Variants in MUSK observed in about 807,000 individuals in gnomAD.
The protein encoded by MUSK is muscle associated receptor tyrosine kinase, also known as muscle, skeletal receptor tyrosine-protein kinase.
A neutral mutation model predicts 88.7 loss-of-function variants in MUSK; 55 were observed. That is an observed-to-expected ratio of 0.62 (90% CI 0.50 to 0.78). MUSK has a LOEUF of 0.78. Ranked by LOEUF, MUSK falls within the 30% of genes least tolerant of loss-of-function variation. The pLI, the probability that MUSK is intolerant of heterozygous loss-of-function variation, is 0.00. For synonymous variants in MUSK, 387 were observed against 391.9 expected (o/e 0.99, Z 0.15); for missense variants, 1,015 against 1,074.3 (o/e 0.94, Z 0.77).
At chr9:110,675,346 C>A (rs928632424) in intron 1 of MUSK, among the ~76,000 whole-genome samples, 1 of 150,386 alleles carries the variant, frequency 6.6e-6, no homozygotes. Context: ...CTCAGCCTCC[C>A]GAGTTGCTGG....
At chr9:110,740,098 T>C (rs912723150) in intron 6 of MUSK, among the ~76,000 whole-genome samples, 1 of 152,128 alleles carries the variant, frequency 6.6e-6, no homozygotes, top group African/African-American at 2.4e-5. Context: ...CAAAACCTTA[T>C]GGTATAATTC....
At chr9:110,740,167 C>A (rs531254090) in intron 6 of MUSK, among the ~76,000 whole-genome samples, 2 of 152,246 alleles carry the variant, frequency 1.3e-5, no homozygotes, top group East Asian at 3.9e-4. Context: ...TGGACTTGAA[C>A]TATTTCATGT....
intron 3 of MUSK, among the ~76,000 whole-genome samples, chr9:110,691,043 T>C (rs2076348900): frequency 6.6e-6 from 1 of 151,464 alleles, no homozygotes; most frequent in Admixed American, 6.6e-5. Flanking sequence ...TTTTGTATTT[T>C]TGGTAGAGTC....
intron 5 of MUSK, among the ~76,000 whole-genome samples, chr9:110,732,224 T>C (rs73540117): frequency 0.029 from 4,385 of 152,060 alleles, 214 homozygotes; most frequent in African/African-American, 0.1. Context: ...GTGGGATCCA[T>C]AGATGGTCAT....
At chr9:110,675,915 C>T (rs2076021472) in intron 1 of MUSK, among the ~76,000 whole-genome samples, 1 of 152,050 alleles carries the variant, frequency 6.6e-6, no homozygotes, top group Admixed American at 6.6e-5. Context: ...AACCTTTGGG[C>T]TCATTGTTAA....
chr9:110,675,215 CTTTT>C (rs386415865), intron 1 of MUSK, among the ~76,000 whole-genome samples: 1,067 of 88,300 alleles, frequency 0.012, 8 homozygotes, highest in African/African-American at 0.033. Context: ...CACATTGCCT[CTTTT>C]TTTTTTTTTT....
chr9:110,767,716 C>G, intron 8 of MUSK, 104 bp from the exon 9 acceptor site: 1 of 1,293,666 alleles, frequency 7.7e-7, no homozygotes, highest in South Asian at 1.2e-5. Flanking sequence ...ACAATTTTCT[C>G]CTATTTCTGA....
In MUSK at chr9:110,757,731, AC is replaced by A. The variant is rs1203796284; in HGVS notation, c.914-4470del. Among the ~76,000 whole-genome samples the A allele has an allele frequency of 5.9e-5, 9 of 152,232 alleles. No individual in the cohort carries two copies. The East Asian group carries it at 1.5e-3, about 26-fold the overall frequency. ...GAATGAAATTTATTCCATTAAAAAA[AC>A]GAACCTTTTGATTATTATTGTCTCC... On this transcript the variant is annotated intron_variant, in intron 7 of 14. Coordinates refer to ENST00000374448, the MANE Select transcript of MUSK (RefSeq NM_005592.4).
Position 110,735,427 on chromosome 9 carries a change from G to A in MUSK, c.753+1052G>A, listed in dbSNP as rs560380965. 4.6e-5 allele frequency among the ~76,000 whole-genome samples: 7 copies of A among 152,176 alleles called. No homozygotes were observed. The East Asian group carries it at 5.8e-4, about 13-fold the overall frequency. The stretch of plus-strand genomic sequence containing the variant: ...TATTTGCAACAACATGGATGGAACC[G>A]CAGGACATTATGTTAAGTGAAATAA... On this transcript the variant is annotated intron_variant, in intron 6 of 14. Transcript: ENST00000374448.
rs538660273 is a variant in MUSK at position 110,727,818 on chromosome 9, A to G, written c.629-6433A>G. ...ATTATTGTCATTGAATGTTGTTAGC[A>G]ATAGCATGGCCATTTTTTACTTACA... On this transcript the variant is annotated intron_variant, in intron 5 of 14. Transcript: ENST00000374448. The G allele has an allele frequency of 2.6e-5, 4 of 152,244 alleles. No individual in the cohort carries two copies. The East Asian group carries it at 7.7e-4, about 29-fold the overall frequency. 9.4% of individuals were successfully genotyped at this position (152,244 alleles called of 1,614,324 possible). A position where few individuals can be genotyped will look rare whatever the true frequency, so the allele number is the denominator to read the frequency against.
intron 1 of MUSK, among the ~76,000 whole-genome samples, chr9:110,673,927 T>C (rs1324799649): frequency 6.6e-6 from 1 of 152,200 alleles, no homozygotes; most frequent in Non-Finnish European, 1.5e-5. Flanking sequence ...AAAGTCCTTA[T>C]TAACATTGTG....
At position 110,690,208 on chromosome 9, in the gene MUSK, A is replaced by C. The variant is rs1338093840; in HGVS notation, c.358+2940A>C. Among the ~76,000 whole-genome samples, 13 of 104,192 alleles carry C rather than the reference A, an allele frequency of 1.2e-4. No individual in the cohort carries two copies. In the East Asian group the frequency reaches 3.9e-3, roughly 31 times the overall value. The allele number at this position is 104,192 out of a possible 152,430, so 68.4% of individuals were successfully genotyped here. ...TTTAAGTATATATAAATATATATAA[A>C]TATATATTTAAGTATAAATATATAT... is the stretch of plus-strand genomic sequence containing the variant. On this transcript the variant is annotated intron_variant, in intron 3 of 14. Transcript: ENST00000374448.
chr9:110,800,742 T>G lies in MUSK; in HGVS notation c.2364T>G (p.Tyr788Ter). 2 of 1,614,032 alleles carry G rather than the reference T, an allele frequency of 1.2e-6. No individual in the cohort carries two copies. Among genetic ancestry groups the G allele is most frequent in the Non-Finnish European group, 1.7e-6 (2 of 1,179,902 alleles). ...CTACAGAGTCTGATGTGTGGGCCTA[T>G]GGCGTGGTCCTCTGGGAGATCTTCT... ...RYTTESDVWAYGVVLWEIFSY... is the reference protein window; with the variant it reads ...RYTTESDVWA The change falls in exon 15 of 15, where the codon TAT becomes TAG. Residue 788 changes from tyrosine (Y) to a stop codon, truncating the protein, a stop_gained. Coordinates refer to ENST00000374448, the MANE Select transcript of MUSK (RefSeq NM_005592.4). LOFTEE classifies it high-confidence loss of function.
At position 110,801,868 on chromosome 9, in the gene MUSK, T is replaced by C. The variant is rs2132071828; in HGVS notation, c.*880T>C. Among the ~76,000 whole-genome samples, 1 of 152,326 alleles carries C rather than the reference T, an allele frequency of 6.6e-6. No homozygotes were observed. The highest frequency in any genetic ancestry group is 1.5e-5 in the Non-Finnish European group (1 of 68,032). The stretch of plus-strand genomic sequence containing the variant: ...ATTTTTTTCTTTTATTTCATTCATG[T>C]AATAAACACTCTGGCAGAAATAATA... On this transcript the variant is annotated 3_prime_UTR_variant, in exon 15 of 15. Coordinates refer to ENST00000374448, the MANE Select transcript of MUSK (RefSeq NM_005592.4).
intron 3 of MUSK, 64 bp from the exon 4 acceptor site, chr9:110,695,335 AAGTT>A (rs2076417608): frequency 1.8e-6 from 2 of 1,104,060 alleles, no homozygotes; most frequent in Admixed American, 3.4e-5. Context: ...ATTAAATTGA[AAGTT>A]AGAAACTCTA....
rs528594870 is a variant in MUSK at position 110,696,897 on chromosome 9, G to A, written c.487-428G>A. On this transcript the variant is annotated intron_variant, in intron 4 of 14. Transcript: ENST00000374448. ...TGAGATTTTAGCGTGCCTATTACCT[G>A]AGTGCTGTACATTATACCCAGTATA... 2.1e-3 allele frequency among the ~76,000 whole-genome samples: 319 copies of A among 151,782 alleles called. 1 individual carries two copies. The highest frequency in any genetic ancestry group is 6.6e-3 in the African/African-American group (272 of 41,384).
At chr9:110,686,539 T>C (rs1436709634) in intron 2 of MUSK, among the ~76,000 whole-genome samples, 1 of 152,156 alleles carries the variant, frequency 6.6e-6, no homozygotes, top group African/African-American at 2.4e-5. Context: ...CAACAAATGG[T>C]TTGCATATAA....
At position 110,800,669 on chromosome 9, in the gene MUSK, T is replaced by C. The variant is rs1554757211; in HGVS notation, c.2291T>C (p.Ile764Thr). Residue 764 changes from isoleucine to threonine, a missense_variant, in exon 15 of 15, where the codon ATC (isoleucine) becomes ACC (threonine). Physicochemically the swap from Ile to Thr is moderately conservative, Grantham distance 89 (BLOSUM62 -1). Transcript: ENST00000374448. ...TACAAAGCTAATGAAAACGACGCTA[T>C]CCCTATCCGTTGGATGCCACCAGAG... is the stretch of plus-strand genomic sequence containing the variant. ...DYYKANENDA[I>T]PIRWMPPESI... 6.2e-7 allele frequency: 1 copy of C among 1,613,996 alleles called. No individual in the cohort carries two copies. The highest frequency in any genetic ancestry group is 1.3e-5 in the African/African-American group (1 of 75,032).
chr9:110,743,059 G>C (rs2077124640), intron 6 of MUSK, among the ~76,000 whole-genome samples: 1 of 152,220 alleles, frequency 6.6e-6, no homozygotes, highest in African/African-American at 2.4e-5. Context: ...AGAGCTGGGA[G>C]ATATTTGGCA....
Sources: gnomAD v4.1 joint callset for allele counts (sites outside exome capture counted in the v4.1 genomes callset) on GRCh38, gnomAD v4.1.1 for gene constraint, MANE v1.5 for transcripts, NCBI Gene and HGNC (gene_info 2026-07-23, HGNC 2026-07-21) for gene names.